The following PLA2G4E variants were observed in gnomAD, a reference collection of about 807,000 sequenced individuals.
PLA2G4E encodes the protein cytosolic phospholipase A2 epsilon.
In PLA2G4E, 84 loss-of-function variants were observed where a neutral mutation model predicts 109.1. The ratio of observed to expected loss-of-function variants is 0.77; its 90% CI spans 0.65 to 0.92. The LOEUF (loss-of-function observed/expected upper bound fraction) is 0.92, where lower values mean the gene tolerates loss of function less well. PLA2G4E is among the 40% of genes least tolerant of loss of function. The pLI, the probability that PLA2G4E is intolerant of heterozygous loss-of-function variation, is 0.00. For synonymous variants in PLA2G4E, 469 were observed against 436.1 expected, an observed-to-expected ratio of 1.08 and a Z score of -0.94; for missense variants, 1,057 against 1,076.6, an observed-to-expected ratio of 0.98 and a Z score of 0.25.
intron 1 of PLA2G4E, among the ~76,000 whole-genome samples, chr15:42,037,313 A>G (rs936106522): frequency 1.3e-5 from 2 of 152,156 alleles, no homozygotes; most frequent in African/African-American, 4.8e-5. Flanking sequence ...CCACGGACCA[A>G]TGTGCGCGCA....
intron 13 of PLA2G4E, among the ~76,000 whole-genome samples, chr15:41,991,574 C>G (rs937992): frequency 0.94 from 142,846 of 152,018 alleles, 67,295 homozygotes; most frequent in African/African-American, 0.98. Context: ...AGCCATGTCC[C>G]ATTCCTTTCT....
chr15:41,986,710 G>C (rs1172978869), intron 17 of PLA2G4E, among the ~76,000 whole-genome samples: 2 of 151,940 alleles, frequency 1.3e-5, no homozygotes, highest in East Asian at 3.9e-4. Flanking sequence ...TTTAAGAGAT[G>C]GGGTCTCACC....
chr15:41,983,081 GT>G (rs1254747616), exon 20 of PLA2G4E: 4 of 152,412 alleles, frequency 2.6e-5, no homozygotes, highest in Non-Finnish European at 1.5e-5. Context: ...GAGGTCAGGA[GT>G]TCCAGACCAG....
intron 1 of PLA2G4E, among the ~76,000 whole-genome samples, chr15:42,017,993 G>A (rs1325353725): frequency 6.6e-6 from 1 of 152,206 alleles, no homozygotes; most frequent in African/African-American, 2.4e-5. Flanking sequence ...CATTTTGCCA[G>A]CACAGAATTG....
chr15:42,014,451 T>C (rs1057171608), intron 1 of PLA2G4E, among the ~76,000 whole-genome samples: 1 of 152,146 alleles, frequency 6.6e-6, no homozygotes, highest in Non-Finnish European at 1.5e-5. Context: ...ACTGAATAGC[T>C]GCTTATTGGC....
chr15:42,047,959 T>A (rs1430940056), intron 1 of PLA2G4E, among the ~76,000 whole-genome samples: 1 of 152,246 alleles, frequency 6.6e-6, no homozygotes, highest in African/African-American at 2.4e-5. Flanking sequence ...TATTAATGAC[T>A]ATAATTTTAG....
chr15:42,014,918 A>T (rs1030244052), intron 1 of PLA2G4E, among the ~76,000 whole-genome samples: 1 of 152,122 alleles, frequency 6.6e-6, no homozygotes, highest in African/African-American at 2.4e-5. Context: ...CAGAGCCCTG[A>T]GGTGTCCCCC....
At chr15:42,050,618 C>G in exon 1 of PLA2G4E, 1 of 1,550,620 alleles carries the variant, frequency 6.4e-7, no homozygotes, top group East Asian at 2.4e-5. Context: ...TCCTGACCTG[C>G]TGCCTTCTTC....
intron 12 of PLA2G4E, among the ~76,000 whole-genome samples, chr15:41,995,108 G>A (rs74010949): frequency 0.015 from 2,291 of 152,378 alleles, 59 homozygotes; most frequent in African/African-American, 0.052. Context: ...GGCATACTTA[G>A]TAGCGGGAGA....
chr15:42,044,263 T>C (rs1357510161), intron 1 of PLA2G4E, among the ~76,000 whole-genome samples: 1 of 152,016 alleles, frequency 6.6e-6, no homozygotes, highest in Non-Finnish European at 1.5e-5. Flanking sequence ...ACGTCAGGGA[T>C]GACCTCCCAG....
intron 11 of PLA2G4E, among the ~76,000 whole-genome samples, chr15:41,996,902 G>A (rs1202410375): frequency 6.6e-6 from 1 of 152,162 alleles, no homozygotes; most frequent in Non-Finnish European, 1.5e-5. Flanking sequence ...GGGAGGAGGC[G>A]CTGGGGCTCT....
intron 1 of PLA2G4E, among the ~76,000 whole-genome samples, chr15:42,030,541 T>G (rs536142391): frequency 6.6e-6 from 1 of 152,244 alleles, no homozygotes; most frequent in African/African-American, 2.4e-5. Flanking sequence ...AATCTGCACG[T>G]TTGTGGAGGA....
At chr15:42,006,158 G>C in intron 3 of PLA2G4E, 37 bp from the exon 4 acceptor site, 1 of 1,610,598 alleles carries the variant, frequency 6.2e-7, no homozygotes, top group Non-Finnish European at 8.5e-7. Context: ...TGGTTACCAC[G>C]GTTGCATTGA....
intron 1 of PLA2G4E, among the ~76,000 whole-genome samples, chr15:42,025,928 A>G (rs1055983411): frequency 1.3e-5 from 2 of 152,368 alleles, no homozygotes; most frequent in Admixed American, 6.5e-5. Context: ...ATAATTTAAA[A>G]TGAAATGTGA....
chr15:41,983,798 C>G (rs747707367), exon 20 of PLA2G4E: 98 of 1,606,846 alleles, frequency 6.1e-5, no homozygotes, highest in Non-Finnish European at 8.1e-5. Context: ...TTCTCCACTG[C>G]GAGCCGCAGA....
intron 1 of PLA2G4E, among the ~76,000 whole-genome samples, chr15:42,021,262 A>G (rs2068646001): frequency 6.6e-6 from 1 of 151,740 alleles, no homozygotes; most frequent in African/African-American, 2.4e-5. Flanking sequence ...AGCAGTCTGT[A>G]GCCCCCAGCC....
intron 1 of PLA2G4E, among the ~76,000 whole-genome samples, chr15:42,039,703 A>G (rs1052977464): frequency 2.0e-5 from 3 of 152,142 alleles, no homozygotes; most frequent in African/African-American, 7.2e-5. Context: ...CAAAATAGCA[A>G]TGAAAAATAA....
At chr15:41,991,025 A>G (rs533003060) in intron 13 of PLA2G4E, among the ~76,000 whole-genome samples, 3 of 152,094 alleles carry the variant, frequency 2.0e-5, no homozygotes, top group South Asian at 4.2e-4. Context: ...GTATATGCCC[A>G]ATGACATGTG....
At chr15:42,016,636 C>A (rs906590008) in intron 1 of PLA2G4E, among the ~76,000 whole-genome samples, 2 of 151,990 alleles carry the variant, frequency 1.3e-5, no homozygotes, top group Non-Finnish European at 2.9e-5. Context: ...CTGTGCCTGG[C>A]CCCTGGGGCT....
Sources: allele counts gnomAD v4.1 joint callset (sites outside exome capture counted in the v4.1 genomes callset), GRCh38; gene constraint gnomAD v4.1.1; transcripts MANE v1.5; gene names NCBI Gene and HGNC (gene_info 2026-07-23, HGNC 2026-07-21).